The following LPP variants were observed in gnomAD, a reference collection of about 807,000 sequenced individuals.
The protein encoded by LPP is lipoma-preferred partner.
LPP carries 38 observed loss-of-function variants against 60.4 expected under a neutral mutation model. That is an observed-to-expected ratio of 0.63 (90% confidence interval 0.49 to 0.83). The LOEUF (loss-of-function observed/expected upper bound fraction) is 0.83, where lower values mean the gene tolerates loss of function less well. LPP is among the 40% of genes least tolerant of loss of function. LPP has a pLI of 0.00. For synonymous variants in LPP, 328 were observed against 290.8 expected (o/e 1.13, Z -1.30); for missense variants, 902 against 783.6 (o/e 1.15, Z -1.80).
At position 188,216,258 on chromosome 3, in the gene LPP, G is replaced by A. The variant is rs937924109; in HGVS notation, c.-189-9147G>A. ...TGATTTTTCTGACTTGACTCTGCTC[G>A]TCTTCTTCTTCTTCCTTTTTTTTTT... On this transcript the variant is annotated intron_variant, in intron 1 of 11. Coordinates refer to ENST00000617246, the MANE Select transcript of LPP (RefSeq NM_001375462.1). 8.8e-5 allele frequency among the ~76,000 whole-genome samples: 13 copies of A among 147,886 alleles called. 1 individual carries two copies. Among genetic ancestry groups the A allele is most frequent in the East Asian group, 4.1e-4 (2 of 4,930 alleles).
chr3:188,589,570 G>A (rs1838223263), intron 6 of LPP, among the ~76,000 whole-genome samples: 1 of 152,206 alleles, frequency 6.6e-6, no homozygotes, highest in African/African-American at 2.4e-5. Context: ...TCGAATGCCA[G>A]TATGTCTTTA....
chr3:188,339,056 T>C (rs1202636546), intron 2 of LPP, among the ~76,000 whole-genome samples: 3 of 152,178 alleles, frequency 2.0e-5, no homozygotes, highest in African/African-American at 7.2e-5. Context: ...TTCTCCAAAA[T>C]ATAGTTGCTT....
At chr3:188,462,884 A>G (rs1023925790) in intron 4 of LPP, among the ~76,000 whole-genome samples, 4 of 151,948 alleles carry the variant, frequency 2.6e-5, no homozygotes, top group Non-Finnish European at 5.9e-5. Flanking sequence ...AGGCTGGCAG[A>G]TCACCTGAGG....
chr3:188,479,030 G>T (rs1015547783), intron 4 of LPP, among the ~76,000 whole-genome samples: 5 of 152,108 alleles, frequency 3.3e-5, no homozygotes, highest in Admixed American at 1.3e-4. Context: ...GGGGTTACAG[G>T]TGTGAGCCAT....
intron 9 of LPP, among the ~76,000 whole-genome samples, chr3:188,858,816 G>T (rs556554661): frequency 2.0e-5 from 3 of 152,138 alleles, no homozygotes; most frequent in African/African-American, 7.2e-5. Flanking sequence ...TCGGCCGGGC[G>T]TGGTGGCTCA....
chr3:188,692,008 C>A (rs1364981485), intron 7 of LPP, among the ~76,000 whole-genome samples: 1 of 152,122 alleles, frequency 6.6e-6, no homozygotes, highest in Non-Finnish European at 1.5e-5. Flanking sequence ...CTTTATGGAA[C>A]CTGCAAAAAA....
In LPP at chr3:188,297,422, G is replaced by T. The variant is rs140312655; in HGVS notation, c.-66-44241G>T. On this transcript the variant is annotated intron_variant, in intron 2 of 11. Coordinates refer to ENST00000617246, the MANE Select transcript of LPP (RefSeq NM_001375462.1). ...TCCGTAATACTACAATAGATGGGAG[G>T]CTCTAATCAAGTAGATAAATTCTAT... Among the ~76,000 whole-genome samples, 241 of 152,290 alleles carry T rather than the reference G, an allele frequency of 1.6e-3. 2 individuals are homozygous for T. The highest frequency in any genetic ancestry group is 0.011 in the South Asian group (54 of 4,826).
At chr3:188,558,962 T>C (rs569787448) in intron 6 of LPP, among the ~76,000 whole-genome samples, 1 of 152,270 alleles carries the variant, frequency 6.6e-6, no homozygotes, top group East Asian at 1.9e-4. Context: ...TCTTGACTTT[T>C]TTGTATCAAA....
In LPP at chr3:188,609,054, AAAT is replaced by A. The variant is rs1843076040; in HGVS notation, c.430-100_430-98del. On this transcript the variant is annotated intron_variant, in intron 6 of 11. Transcript: ENST00000617246. This position sits in a 1 kb window ranked among gnomAD's most constrained non-coding sequence, Gnocchi z 6.9. ...CCTTATTTGTGTTCTACATAGTAATAAATAATAATTAGCAGTTATTAATATTTT... is the reference window on the plus strand; with the variant it reads ...CCTTATTTGTGTTCTACATAGTAATAAATAATTAGCAGTTATTAATATTTT... The A allele has an allele frequency of 2.4e-6, 2 of 838,352 alleles. No homozygotes were observed. The highest frequency in any genetic ancestry group is 3.7e-6 in the Non-Finnish European group (2 of 541,694). 51.9% of individuals were successfully genotyped at this position (838,352 alleles called of 1,614,324 possible).
chr3:188,346,651 A>G (rs1228456326), intron 3 of LPP, among the ~76,000 whole-genome samples: 12 of 152,188 alleles, frequency 7.9e-5, no homozygotes. Flanking sequence ...TGTGAGGATT[A>G]TGGAATTTTC....
At chr3:188,354,778 T>C (rs980807624) in intron 3 of LPP, among the ~76,000 whole-genome samples, 8 of 152,028 alleles carry the variant, frequency 5.3e-5, no homozygotes, top group Non-Finnish European at 8.8e-5. Flanking sequence ...GTGAATAACG[T>C]CCCTGGGAAC....
At position 188,760,238 on chromosome 3, in the gene LPP, T is replaced by C. The variant is rs532655074; in HGVS notation, c.1366T>C (p.Phe456Leu). 6.2e-7 allele frequency: 1 copy of C among 1,614,158 alleles called. No homozygotes were observed. Among genetic ancestry groups the C allele is most frequent in the African/African-American group, 1.3e-5 (1 of 75,058 alleles). ...CAACAACAAGCTCCGAGGGCAGCCATTCTATGCTGTGGAAAAGAAAGCATA... is the reference window on the plus strand; with the variant it reads ...CAACAACAAGCTCCGAGGGCAGCCACTCTATGCTGTGGAAAAGAAAGCATA... ...ICNNKLRGQPFYAVEKKAYCE... is the reference protein window; with the variant it reads ...ICNNKLRGQPLYAVEKKAYCE... Residue 456 changes from phenylalanine to leucine, a missense_variant, in exon 9 of 12, where the codon TTC (phenylalanine) becomes CTC (leucine). Coordinates refer to ENST00000617246, the MANE Select transcript of LPP (RefSeq NM_001375462.1).
intron 2 of LPP, among the ~76,000 whole-genome samples, chr3:188,257,292 G>A (rs979078238): frequency 6.6e-6 from 1 of 152,182 alleles, no homozygotes; most frequent in Non-Finnish European, 1.5e-5. Flanking sequence ...TTGAGGATGG[G>A]CAGGCTTTGA....
At position 188,201,689 on chromosome 3, in the gene LPP, A is replaced by G. The variant is rs141820166; in HGVS notation, c.-189-23716A>G. The stretch of plus-strand genomic sequence containing the variant: ...ACCACTGCACTCCAGCCTGGGTGAC[A>G]GAGTGAGATTCCATCTCAATAAGAC... On this transcript the variant is annotated intron_variant, in intron 1 of 11. Coordinates refer to ENST00000617246, the MANE Select transcript of LPP (RefSeq NM_001375462.1). 9.0e-3 allele frequency among the ~76,000 whole-genome samples: 1,374 copies of G among 152,290 alleles called. 9 individuals are homozygous for G. Among genetic ancestry groups the G allele is most frequent in the South Asian group, 0.03 (146 of 4,830 alleles).
At chr3:188,159,281 A>T (rs1717467472) in intron 1 of LPP, among the ~76,000 whole-genome samples, 3 of 152,186 alleles carry the variant, frequency 2.0e-5, no homozygotes, top group African/African-American at 7.2e-5. Flanking sequence ...CTCTGAGGGA[A>T]CACCTACAAT....
chr3:188,567,742 C>A (rs1252661613), intron 6 of LPP, among the ~76,000 whole-genome samples: 2 of 151,956 alleles, frequency 1.3e-5, no homozygotes, highest in African/African-American at 4.8e-5. Context: ...TATTACACAA[C>A]TGCCAAATAA....
rs553370775 is a variant in LPP at position 188,193,216 on chromosome 3, A to G, written c.-189-32189A>G. On this transcript the variant is annotated intron_variant, in intron 1 of 11. Coordinates refer to ENST00000617246, the MANE Select transcript of LPP (RefSeq NM_001375462.1). The stretch of plus-strand genomic sequence containing the variant: ...TGTCTTTCATGTTTATTACTGTACA[A>G]GAAGAAGTTGGCGTTCTGGTACCTC... 7.9e-5 allele frequency among the ~76,000 whole-genome samples: 12 copies of G among 152,294 alleles called. No individual in the cohort carries two copies. The South Asian group carries it at 2.1e-3, about 26-fold the overall frequency.
chr3:188,280,241 A>G (rs554801032), intron 2 of LPP, among the ~76,000 whole-genome samples: 10 of 152,308 alleles, frequency 6.6e-5, no homozygotes, highest in Non-Finnish European at 1.5e-4. Context: ...CCCAGATGAA[A>G]GGAGAAAGCG....
intron 3 of LPP, among the ~76,000 whole-genome samples, chr3:188,370,840 C>G (rs941277631): frequency 1.1e-4 from 16 of 152,108 alleles, no homozygotes; most frequent in Admixed American, 5.9e-4. Flanking sequence ...GCATATGGAC[C>G]CTGATTTTTC....
Sources: allele counts gnomAD v4.1 joint callset (sites outside exome capture counted in the v4.1 genomes callset), GRCh38; gene constraint gnomAD v4.1.1; non-coding constraint Gnocchi (gnomAD v3.1); transcripts MANE v1.5; gene names NCBI Gene and HGNC (gene_info 2026-07-23, HGNC 2026-07-21).